The following CAND1 variants were observed in gnomAD, a reference collection of about 807,000 sequenced individuals.
The protein encoded by CAND1 is cullin associated and neddylation dissociated 1.
Under a neutral mutation model 108.5 loss-of-function variants are expected in CAND1, and 7 were observed. The ratio of observed to expected loss-of-function variants is 0.06; its 90% confidence interval spans 0.04 to 0.12. CAND1 has a LOEUF of 0.12. Ranked by LOEUF, CAND1 falls within the 10% of genes least tolerant of loss-of-function variation. The pLI is 1.00. For synonymous variants in CAND1, 534 were observed against 512.0 expected, an observed-to-expected ratio of 1.04 and a Z score of -0.58; for missense variants, 941 against 1,448.7, an observed-to-expected ratio of 0.65 and a Z score of 5.69.
At chr12:67,303,167 A>T (rs2136014950) in intron 8 of CAND1, among the ~76,000 whole-genome samples, 1 of 152,304 alleles carries the variant, frequency 6.6e-6, no homozygotes, top group Non-Finnish European at 1.5e-5. Flanking sequence ...TAAACATTAG[A>T]GCTATTATAT....
intron 1 of CAND1, among the ~76,000 whole-genome samples, chr12:67,281,295 A>T (rs1467867191): frequency 6.6e-6 from 1 of 151,886 alleles, no homozygotes; most frequent in Non-Finnish European, 1.5e-5. Context: ...CTGCCACTGC[A>T]CTCCAGCCTG....
Position 67,297,767 on chromosome 12 carries a change from A to C in CAND1, c.768A>C (p.Ile256=), listed in dbSNP as rs2044784014. 1.2e-6 allele frequency: 2 copies of C among 1,607,754 alleles called. No homozygotes were observed. Among genetic ancestry groups the C allele is most frequent in the South Asian group, 1.1e-5 (1 of 90,182 alleles). The change falls in exon 6 of 15, where the codon ATA becomes ATC. Residue 256 remains isoleucine (I), a synonymous_variant. Coordinates refer to ENST00000545606, the MANE Select transcript of CAND1 (RefSeq NM_018448.5). The part of the protein sequence containing the change: ...GHRIGEYLEK[I]IPLVVKFCNV... The stretch of plus-strand genomic sequence containing the variant: ...TCTTAGGTGAATACCTTGAGAAGAT[A>C]ATTCCTTTGGTGGTAAAATTTTGCA...
chr12:67,281,278 C>T (rs915319155), intron 1 of CAND1, among the ~76,000 whole-genome samples: 1 of 151,606 alleles, frequency 6.6e-6, no homozygotes. Flanking sequence ...TGCGGTGAGC[C>T]GAGATCCTGC....
At chr12:67,285,818 C>T (rs535588404) in intron 2 of CAND1, among the ~76,000 whole-genome samples, 41 of 152,236 alleles carry the variant, frequency 2.7e-4, no homozygotes, top group African/African-American at 9.9e-4. Flanking sequence ...TTTTTGCTCT[C>T]ATAACACCAC....
At chr12:67,304,134 C>T (rs2044854442) in intron 8 of CAND1, among the ~76,000 whole-genome samples, 1 of 151,788 alleles carries the variant, frequency 6.6e-6, no homozygotes, top group East Asian at 1.9e-4. Context: ...GGAGTACAGG[C>T]ATGCACCACC....
rs1055626972 is a variant in CAND1 at position 67,269,405 on chromosome 12, C to T, written c.-313C>T. The T allele has an allele frequency of 7.8e-6, 3 of 384,026 alleles. No homozygotes were observed. The highest frequency in any genetic ancestry group is 1.0e-4 in the Admixed American group (2 of 19,298). 23.8% of individuals were successfully genotyped at this position (384,026 alleles called of 1,614,324 possible). A position where few individuals can be genotyped will look rare whatever the true frequency, so the allele number is the denominator to read the frequency against. On this transcript the variant is annotated 5_prime_UTR_variant, in exon 1 of 15. Coordinates refer to ENST00000545606, the MANE Select transcript of CAND1 (RefSeq NM_018448.5). Reference sequence around the variant, plus strand: ...CGGAGCGAGTGGGAGCGAGACGGCCCTGAGTGGAAGTGTCTGGCTCCCCGT... The same window carrying T: ...CGGAGCGAGTGGGAGCGAGACGGCCTTGAGTGGAAGTGTCTGGCTCCCCGT...
chr12:67,298,354 A>G (rs1170284421), intron 6 of CAND1, among the ~76,000 whole-genome samples: 1 of 141,188 alleles, frequency 7.1e-6, no homozygotes, highest in African/African-American at 3.2e-5. Flanking sequence ...CCTCTTGACT[A>G]ATGCAGTAGC....
chr12:67,279,662 T>G (rs958434778), intron 1 of CAND1, among the ~76,000 whole-genome samples: 1 of 152,114 alleles, frequency 6.6e-6, no homozygotes, highest in South Asian at 2.1e-4. Context: ...TAAGTAAGCT[T>G]CTTGATGTTA....
rs200491506 is a variant in CAND1, at chr12:67,306,245, T to C, written c.2577T>C (p.Ser859=). 8.0e-5 allele frequency: 129 copies of C among 1,614,138 alleles called. No homozygotes were observed. The East Asian group carries it at 2.8e-3, about 35-fold the overall frequency. The change falls in exon 10 of 15, where the codon TCT becomes TCC. Residue 859 remains serine, a synonymous_variant. Coordinates refer to ENST00000545606, the MANE Select transcript of CAND1 (RefSeq NM_018448.5). ...IDLSGQLELK[S]VILEAFSSPS... ...TAAGTGGACAGTTGGAACTAAAATC[T>C]GTAATACTAGAAGCTTTCTCATCTC...
intron 1 of CAND1, among the ~76,000 whole-genome samples, chr12:67,274,408 G>A (rs2044550572): frequency 1.3e-5 from 2 of 152,228 alleles, no homozygotes; most frequent in African/African-American, 4.8e-5. Context: ...AAGTGAAAAT[G>A]TAAAGCACAC....
chr12:67,303,349 T>C (rs2044844639), intron 8 of CAND1, among the ~76,000 whole-genome samples: 1 of 152,190 alleles, frequency 6.6e-6, no homozygotes, highest in Non-Finnish European at 1.5e-5. Flanking sequence ...ACTGTATCTA[T>C]CTTGTTTTTA....
At chr12:67,278,192 A>G (rs1464704522) in intron 1 of CAND1, among the ~76,000 whole-genome samples, 1 of 152,104 alleles carries the variant, frequency 6.6e-6, no homozygotes, top group African/African-American at 2.4e-5. Flanking sequence ...GCTGGGGTGC[A>G]GTGACGTGAT....
chr12:67,276,953 G>T (rs1487861479), intron 1 of CAND1, among the ~76,000 whole-genome samples: 2 of 152,178 alleles, frequency 1.3e-5, no homozygotes, highest in Admixed American at 6.5e-5. Flanking sequence ...CATGTAGTTT[G>T]CAGTTTAACC....
At chr12:67,304,037 T>A (rs1049509853) in intron 8 of CAND1, among the ~76,000 whole-genome samples, 10 of 151,060 alleles carry the variant, frequency 6.6e-5, no homozygotes, top group African/African-American at 2.4e-4. Flanking sequence ...GTTGCCAGGC[T>A]GGAGCGCAGT....
chr12:67,292,502 G>A (rs894737353), intron 2 of CAND1, 120 bp from the exon 3 acceptor site: 3 of 635,980 alleles, frequency 4.7e-6, no homozygotes, highest in Non-Finnish European at 7.7e-6. Context: ...TTATGATACA[G>A]ACATGGTATA....
At chr12:67,275,717 A>G (rs1041341787) in intron 1 of CAND1, among the ~76,000 whole-genome samples, 4 of 152,062 alleles carry the variant, frequency 2.6e-5, no homozygotes, top group Admixed American at 2.0e-4. Context: ...ATGATGGGAG[A>G]GGCTGTGGTG....
intron 10 of CAND1, 91 bp from the exon 11 acceptor site, chr12:67,307,306 G>T: frequency 1.2e-6 from 1 of 833,206 alleles, no homozygotes; most frequent in South Asian, 1.5e-5. Flanking sequence ...AGGCATTGAA[G>T]ACACTGGTGT....
chr12:67,283,101 T>G (rs982989262), intron 2 of CAND1, among the ~76,000 whole-genome samples: 3 of 152,206 alleles, frequency 2.0e-5, no homozygotes, highest in Admixed American at 2.0e-4. Context: ...TCAATTTAAA[T>G]AAAGCATTAT....
chr12:67,297,898 A>C, intron 6 of CAND1, 45 bp downstream of exon 6: 1 of 1,166,694 alleles, frequency 8.6e-7, no homozygotes, highest in Non-Finnish European at 1.3e-6. Flanking sequence ...TTTTTCCTTA[A>C]GAGTAGAATC....
Sources: allele counts gnomAD v4.1 joint callset (sites outside exome capture counted in the v4.1 genomes callset), GRCh38; gene constraint gnomAD v4.1.1; transcripts MANE v1.5; gene names NCBI Gene and HGNC (gene_info 2026-07-23, HGNC 2026-07-21).